Variants in KLHL29 observed in about 807,000 individuals in gnomAD.
The protein encoded by KLHL29 is kelch like family member 29, also known as kelch-like protein 29.
In KLHL29, 21 loss-of-function variants were observed where a neutral mutation model predicts 80.4. The observed-to-expected ratio is 0.26, with a 90% confidence interval of 0.19 to 0.38. The LOEUF (loss-of-function observed/expected upper bound fraction) is 0.38, where lower values mean the gene tolerates loss of function less well. KLHL29 is among the 10% of genes least tolerant of loss of function. KLHL29 has a pLI of 1.00. For synonymous variants in KLHL29, 511 were observed against 526.8 expected, an observed-to-expected ratio of 0.97 and a Z score of 0.41; for missense variants, 867 against 1,223.9, an observed-to-expected ratio of 0.71 and a Z score of 4.35.
In KLHL29 at chr2:23,695,182, G is replaced by T. The variant is rs1319663819; in HGVS notation, c.1543-441G>T. Among the ~76,000 whole-genome samples the T allele has an allele frequency of 1.3e-5, 2 of 152,050 alleles. No individual in the cohort carries two copies. The highest frequency in any genetic ancestry group is 2.4e-5 in the African/African-American group (1 of 41,362). ...GCTGAGACTTACAAGCTCAATAGTC[G>T]CCATCTCCTTGAAGCTTTCCTGGGT... is the stretch of plus-strand genomic sequence containing the variant. On this transcript the variant is annotated intron_variant, in intron 8 of 13. Transcript: ENST00000486442. The surrounding 1 kb of genome is among the most constrained non-coding windows in gnomAD (Gnocchi z 7.6).
In KLHL29 at chr2:23,639,157, G is replaced by A; in HGVS notation, c.304G>A (p.Gly102Arg). 6.5e-7 allele frequency: 1 copy of A among 1,538,666 alleles called. No individual in the cohort carries two copies. The highest frequency in any genetic ancestry group is 2.1e-5 in the Admixed American group (1 of 47,436). Residue 102 changes from glycine to arginine, a missense_variant, in exon 4 of 14, where the codon GGG (glycine) becomes AGG (arginine). Gly to Arg is a moderately radical substitution (Grantham distance 125). Around this residue, in one of 2 missense-constraint regions of KLHL29, gnomAD observed 424 missense variants for 456.9 expected, o/e 0.93. Coordinates refer to ENST00000486442, the MANE Select transcript of KLHL29 (RefSeq NM_052920.2). The stretch of plus-strand genomic sequence containing the variant: ...CCCACAGGCTCCCGGCATCTCCAAA[G>A]GGGACAGTCAGTCCCAGGGACTGGC... ...VTTKAPGISK[G>R]DSQSQGLATS...
intron 2 of KLHL29, among the ~76,000 whole-genome samples, chr2:23,488,313 G>T (rs1024549080): frequency 2.0e-4 from 31 of 152,310 alleles, no homozygotes; most frequent in Non-Finnish European, 2.8e-4. Context: ...AGAGAGGGGG[G>T]CCCAGCTACT....
intron 2 of KLHL29, among the ~76,000 whole-genome samples, chr2:23,555,025 C>T (rs918061079): frequency 1.3e-5 from 2 of 152,082 alleles, no homozygotes; most frequent in Non-Finnish European, 2.9e-5. Context: ...GACATGAGGG[C>T]ACTTGAGCCA....
At chr2:23,636,119 G>A (rs1224667827) in intron 3 of KLHL29, among the ~76,000 whole-genome samples, 1 of 152,166 alleles carries the variant, frequency 6.6e-6, no homozygotes, top group Non-Finnish European at 1.5e-5. Flanking sequence ...GGGACCACAT[G>A]GGTTTACTGA....
intron 1 of KLHL29, among the ~76,000 whole-genome samples, chr2:23,472,010 T>G (rs947196953): frequency 6.6e-6 from 1 of 152,010 alleles, no homozygotes; most frequent in Non-Finnish European, 1.5e-5. Flanking sequence ...CTTATAGGCC[T>G]CCCAGAAAGG....
At chr2:23,605,744 C>G (rs1668704250) in intron 3 of KLHL29, among the ~76,000 whole-genome samples, 1 of 151,110 alleles carries the variant, frequency 6.6e-6, no homozygotes, top group African/African-American at 2.4e-5. Context: ...CACGTGAAAT[C>G]CTCCAAATCC....
intron 2 of KLHL29, among the ~76,000 whole-genome samples, 182 bp from the exon 3 acceptor site, chr2:23,561,970 T>A (rs1252758450): frequency 1.3e-5 from 2 of 152,186 alleles, no homozygotes; most frequent in Non-Finnish European, 2.9e-5. Flanking sequence ...GCAAATTGTG[T>A]ATTCCTTGTC....
At chr2:23,496,693 G>A (rs763065224) in intron 2 of KLHL29, among the ~76,000 whole-genome samples, 22 of 152,334 alleles carry the variant, frequency 1.4e-4, no homozygotes, top group Non-Finnish European at 2.5e-4. Flanking sequence ...AGGGACCACC[G>A]CTGTCTCTGC....
intron 1 of KLHL29, among the ~76,000 whole-genome samples, chr2:23,443,259 C>T (rs982472974): frequency 6.6e-6 from 1 of 152,088 alleles, no homozygotes; most frequent in Non-Finnish European, 1.5e-5. Context: ...TACCTTCACC[C>T]CTAAGTACTT....
In KLHL29 at chr2:23,708,205, A is replaced by C. The variant is rs1373518716; in HGVS notation, c.*1541A>C. 6.6e-6 allele frequency: 1 copy of C among 152,254 alleles called. No individual in the cohort carries two copies. The highest frequency in any genetic ancestry group is 1.5e-5 in the Non-Finnish European group (1 of 68,040). The allele number at this position is 152,254 out of a possible 1,614,324, so 9.4% of individuals were successfully genotyped here. A position where few individuals can be genotyped will look rare whatever the true frequency, so the allele number is the denominator to read the frequency against. On this transcript the variant is annotated 3_prime_UTR_variant, in exon 14 of 14. Coordinates refer to ENST00000486442, the MANE Select transcript of KLHL29 (RefSeq NM_052920.2). The stretch of plus-strand genomic sequence containing the variant: ...TTCTAGCACTACGAGTGTGGCTCCC[A>C]CTTGGACAAGATACCGAGCTTCGTT...
chr2:23,583,733 C>T (rs763748409), intron 3 of KLHL29, among the ~76,000 whole-genome samples: 2 of 152,158 alleles, frequency 1.3e-5, no homozygotes, highest in Non-Finnish European at 2.9e-5. Flanking sequence ...TGGTTATAAC[C>T]CTCACAGAAA....
At chr2:23,460,515 A>G (rs963240111) in intron 1 of KLHL29, among the ~76,000 whole-genome samples, 1 of 152,146 alleles carries the variant, frequency 6.6e-6, no homozygotes, top group Non-Finnish European at 1.5e-5. Context: ...ACAAAGAATT[A>G]TCTTGCCCCA....
At chr2:23,691,098 C>T (rs1164474455) in intron 6 of KLHL29, 2 of 155,910 alleles carry the variant, frequency 1.3e-5, no homozygotes, top group Non-Finnish European at 2.8e-5. Context: ...AAAGCAATGT[C>T]ACGAAGGGCT....
intron 1 of KLHL29, among the ~76,000 whole-genome samples, chr2:23,429,449 C>T (rs1230501763): frequency 6.6e-6 from 1 of 152,192 alleles, no homozygotes; most frequent in Non-Finnish European, 1.5e-5. Flanking sequence ...ACATAATTGC[C>T]TCATCAAAAG....
intron 3 of KLHL29, among the ~76,000 whole-genome samples, chr2:23,608,327 C>A (rs1335594345): frequency 6.6e-6 from 1 of 152,202 alleles, no homozygotes; most frequent in Non-Finnish European, 1.5e-5. Context: ...GTACCAGGAA[C>A]TCCCACGCGC....
intron 1 of KLHL29, among the ~76,000 whole-genome samples, chr2:23,409,248 G>GT (rs1450126976): frequency 1.2e-4 from 19 of 152,172 alleles, no homozygotes; most frequent in Non-Finnish European, 2.8e-4. Flanking sequence ...AAATATGACC[G>GT]TAATATCTAG....
At chr2:23,441,449 T>C (rs1663519241) in intron 1 of KLHL29, among the ~76,000 whole-genome samples, 1 of 151,888 alleles carries the variant, frequency 6.6e-6, no homozygotes, top group Non-Finnish European at 1.5e-5. Context: ...CTGCACATTG[T>C]GCACATGTAC....
intron 3 of KLHL29, among the ~76,000 whole-genome samples, chr2:23,612,428 GACAA>G (rs1179754703): frequency 6.6e-6 from 1 of 152,174 alleles, no homozygotes; most frequent in Non-Finnish European, 1.5e-5. Context: ...AAAAAGTTCA[GACAA>G]ACAGTGAAAT....
intron 1 of KLHL29, among the ~76,000 whole-genome samples, chr2:23,387,044 C>T (rs1249762326): frequency 6.6e-6 from 1 of 151,882 alleles, no homozygotes; most frequent in Non-Finnish European, 1.5e-5. Flanking sequence ...GAGCTGCCGC[C>T]GCCGCCGCTG....
Sources: gnomAD v4.1 joint callset for allele counts (sites outside exome capture counted in the v4.1 genomes callset) on GRCh38, gnomAD v4.1.1 for gene constraint, gnomAD v4.1.1 regional missense constraint, Gnocchi (gnomAD v3.1) non-coding constraint, MANE v1.5 for transcripts, NCBI Gene and HGNC (gene_info 2026-07-23, HGNC 2026-07-21) for gene names.